Variants in RER1 observed in about 807,000 individuals in gnomAD.
The protein encoded by RER1 is protein RER1.
RER1 carries 6 observed loss-of-function variants against 28.3 expected under a neutral mutation model. That is an observed-to-expected ratio of 0.21 (90% CI 0.12 to 0.42). RER1 has a LOEUF of 0.42. Among genes scored for constraint, RER1 ranks in the 10% least tolerant of loss-of-function variants. RER1 has a pLI of 1.00. For synonymous variants in RER1, 110 were observed against 95.9 expected (o/e 1.15, Z -0.86); for missense variants, 159 against 252.9 (o/e 0.63, Z 2.52).
rs1036382411 is a variant in RER1, at chr1:2,403,771, C to T, written c.*647C>T. The stretch of plus-strand genomic sequence containing the variant: ...TTTTAATTGTTTGAGATTATTTTGA[C>T]ACATTTCTTTGATACGTAGAGTGTT... On this transcript the variant is annotated 3_prime_UTR_variant, in exon 7 of 7. Transcript: ENST00000605895. 1.3e-5 allele frequency: 2 copies of T among 152,550 alleles called. No individual in the cohort carries two copies. The highest frequency in any genetic ancestry group is 2.4e-5 in the African/African-American group (1 of 41,418). The allele number at this position is 152,550 out of a possible 1,614,324, so 9.4% of individuals were successfully genotyped here. A position where few individuals can be genotyped will look rare whatever the true frequency, so the allele number is the denominator to read the frequency against.
At chr1:2,401,150 A>T (rs1238783203) in intron 5 of RER1, among the ~76,000 whole-genome samples, 2 of 151,692 alleles carry the variant, frequency 1.3e-5, no homozygotes, top group Admixed American at 6.6e-5. Flanking sequence ...TGAGTCTGGG[A>T]TGGAGTGCGC....
intron 5 of RER1, chr1:2,401,883 C>G (rs1642868064): frequency 4.1e-6 from 3 of 727,930 alleles, no homozygotes. Context: ...AAGACACAGC[C>G]TGGGTTTCTC....
intron 1 of RER1, chr1:2,394,396 C>T (rs1368491150): frequency 2.0e-5 from 3 of 152,292 alleles, no homozygotes; most frequent in Non-Finnish European, 4.4e-5. Flanking sequence ...GGGATTGCGT[C>T]TGGCCACCTG....
Position 2,399,454 on chromosome 1 carries a change from C to CTA in RER1, c.227_228dup (p.Asn77Ter). The CTA allele has an allele frequency of 6.2e-7, 1 of 1,612,924 alleles. No individual in the cohort carries two copies. The highest frequency in any genetic ancestry group is 8.5e-7 in the Non-Finnish European group (1 of 1,178,880). ...GACCTATGCCTTGGGGATCTACCAT[C>CTA]TAAATCTTTTCATAGCTTTTCTTTC... On this transcript the variant is annotated frameshift_variant, in exon 4 of 7. Transcript: ENST00000605895. LOFTEE classifies it high-confidence loss of function.
chr1:2,399,401 T>C lies in RER1; in HGVS notation c.187-14T>C, dbSNP rs925629130. Reference sequence around the variant, plus strand: ...GTCAGAGTGCACCACTGACTCTCTTTCCTTCTCTTTCAGGGTTGGTACATT... The same window carrying C: ...GTCAGAGTGCACCACTGACTCTCTTCCCTTCTCTTTCAGGGTTGGTACATT... On this transcript the variant is annotated splice_polypyrimidine_tract_variant and intron_variant, in intron 3 of 6. Transcript: ENST00000605895. 17 of 1,565,004 alleles carry C rather than the reference T, an allele frequency of 1.1e-5. No homozygotes were observed. The highest frequency in any genetic ancestry group is 1.4e-5 in the Non-Finnish European group (16 of 1,135,382).
rs1484278807 is a variant in RER1 at position 2,403,268 on chromosome 1, A to G, written c.*144A>G. 3.1e-6 allele frequency: 2 copies of G among 637,158 alleles called. No homozygotes were observed. The highest frequency in any genetic ancestry group is 5.7e-6 in the Non-Finnish European group (2 of 353,834). The allele number at this position is 637,158 out of a possible 1,614,324, so 39.5% of individuals were successfully genotyped here. A position where few individuals can be genotyped will look rare whatever the true frequency, so the allele number is the denominator to read the frequency against. Reference sequence around the variant, plus strand: ...GGAGCTTCAATGATTTGTAACTGAAATATCAGGTTCTAGAAGAAACTGGCG... The same window carrying G: ...GGAGCTTCAATGATTTGTAACTGAAGTATCAGGTTCTAGAAGAAACTGGCG... On this transcript the variant is annotated 3_prime_UTR_variant, in exon 7 of 7. Transcript: ENST00000605895.
intron 1 of RER1, 160 bp from the exon 2 acceptor site, chr1:2,395,624 G>A: frequency 1.6e-6 from 1 of 630,850 alleles, no homozygotes; most frequent in Non-Finnish European, 2.9e-6. Context: ...CTGTGTACCT[G>A]CTACTTTTTC....
At chr1:2,401,727 A>C (rs997973911) in intron 5 of RER1, among the ~76,000 whole-genome samples, 1 of 152,108 alleles carries the variant, frequency 6.6e-6, no homozygotes, top group African/African-American at 2.4e-5. Context: ...CAGAAAGATC[A>C]GGGGCCCTGG....
In RER1 at chr1:2,402,252, C is replaced by A. The variant is rs35201763; in HGVS notation, c.411C>A (p.Phe137Leu). 8.1e-6 allele frequency: 13 copies of A among 1,614,124 alleles called. No homozygotes were observed. The highest frequency in any genetic ancestry group is 5.9e-6 in the Non-Finnish European group (7 of 1,180,050). ...TCCTTGTGGCTATGGTCTGTACTTT[C>A]TTCGACGCTTTCAACGTCCCGGTGT... is the stretch of plus-strand genomic sequence containing the variant. ...KGILVAMVCT[F>L]FDAFNVPVFW... Residue 137 changes from phenylalanine to leucine, a missense_variant, in exon 6 of 7, where the codon TTC becomes TTA. By Grantham distance (22) the Phe-to-Leu change is conservative (BLOSUM62 0). Transcript: ENST00000605895.
chr1:2,402,478 TTGTG>T (rs1642880843), intron 6 of RER1, 136 bp downstream of exon 6: 7 of 1,166,410 alleles, frequency 6.0e-6, no homozygotes, highest in Non-Finnish European at 8.6e-6. Context: ...TGGCACCGTC[TTGTG>T]TGTGACGAGG....
chr1:2,394,090 C>T (rs551794754), intron 1 of RER1: 4 of 152,312 alleles, frequency 2.6e-5, no homozygotes, highest in Non-Finnish European at 4.4e-5. Context: ...TTTCAGATGG[C>T]CTGGCTTTGG....
Position 2,403,145 on chromosome 1 carries a change from C to A in RER1, c.*21C>A. The A allele has an allele frequency of 6.3e-7, 1 of 1,592,820 alleles. No individual in the cohort carries two copies. The highest frequency in any genetic ancestry group is 8.6e-7 in the Non-Finnish European group (1 of 1,160,624). Reference sequence around the variant, plus strand: ...GCTAGAAGCGGGACTGAGGCTGCCTCACGTGTTGCAAGAACAGTTTTGAGC... The same window carrying A: ...GCTAGAAGCGGGACTGAGGCTGCCTAACGTGTTGCAAGAACAGTTTTGAGC... On this transcript the variant is annotated 3_prime_UTR_variant, in exon 7 of 7. Coordinates refer to ENST00000605895, the MANE Select transcript of RER1 (RefSeq NM_007033.5).
At chr1:2,402,386 C>A (rs537096528) in intron 6 of RER1, 44 bp downstream of exon 6, 4 of 1,612,186 alleles carry the variant, frequency 2.5e-6, no homozygotes, top group Admixed American at 3.3e-5. Flanking sequence ...AATCGCTGTT[C>A]TGTTACCCGC....
chr1:2,400,985 T>A, intron 5 of RER1, 50 bp downstream of exon 5: 10 of 1,442,402 alleles, frequency 6.9e-6, no homozygotes, highest in Non-Finnish European at 9.8e-6. Context: ...CAAGGGTGGC[T>A]GAGACTGAGA....
intron 3 of RER1, 152 bp from the exon 4 acceptor site, chr1:2,399,263 G>A: frequency 1.5e-6 from 1 of 649,882 alleles, no homozygotes. Context: ...GGATTTCACT[G>A]TATTTCCTTG....
At position 2,405,334 on chromosome 1, in the gene RER1, G is replaced by T. The variant is rs1004714579; in HGVS notation, c.*2210G>T. ...GCTGAAGCAACCCGCCAGCCTCCGT[G>T]CCCCACCCCACCCAGCACGCACTCA... On this transcript the variant is annotated 3_prime_UTR_variant, in exon 7 of 7. Transcript: ENST00000605895. 33 of 334,694 alleles carry T rather than the reference G, an allele frequency of 9.9e-5. No individual in the cohort carries two copies. In the Admixed American group the frequency reaches 1.4e-3, roughly 14 times the overall value. The allele number at this position is 334,694 out of a possible 1,614,324, so 20.7% of individuals were successfully genotyped here. A position where few individuals can be genotyped will look rare whatever the true frequency, so the allele number is the denominator to read the frequency against.
intron 1 of RER1, chr1:2,395,071 T>C (rs1642748522): frequency 6.6e-6 from 1 of 152,362 alleles, no homozygotes. Flanking sequence ...TGTTTGAGAC[T>C]TGGTGAAATG....
intron 5 of RER1, chr1:2,401,991 G>A: frequency 6.8e-7 from 1 of 1,478,902 alleles, no homozygotes. Context: ...GTCTTTCAAG[G>A]GAGTAAGAGA....
rs1008773462 is a variant in RER1 at position 2,401,851 on chromosome 1, G to T, written c.366-356G>T. Reference sequence around the variant, plus strand: ...CTGGTGGCCATGCCACAGTGACAAGGTGAAGGCCCTGGATGGTCCACAAGA... The same window carrying T: ...CTGGTGGCCATGCCACAGTGACAAGTTGAAGGCCCTGGATGGTCCACAAGA... On this transcript the variant is annotated intron_variant, in intron 5 of 6. Transcript: ENST00000605895. 5 of 605,378 alleles carry T rather than the reference G, an allele frequency of 8.3e-6. No individual in the cohort carries two copies. The African/African-American group carries it at 9.2e-5, about 11-fold the overall frequency. The allele number at this position is 605,378 out of a possible 1,614,324, so 37.5% of individuals were successfully genotyped here.
Sources: allele counts gnomAD v4.1 joint callset (sites outside exome capture counted in the v4.1 genomes callset), GRCh38; gene constraint gnomAD v4.1.1; transcripts MANE v1.5; gene names NCBI Gene and HGNC (gene_info 2026-07-23, HGNC 2026-07-21).